KCTD8: variants seen among roughly 807,000 people sequenced by gnomAD.
KCTD8 encodes potassium channel tetramerization domain containing 8.
A neutral mutation model predicts 31.5 loss-of-function variants in KCTD8; 27 were observed. That is an observed-to-expected ratio of 0.86 (90% CI 0.63 to 1.18). The LOEUF is 1.18. Ranked by LOEUF, KCTD8 falls within the 50% of genes most tolerant of loss-of-function variation. The probability of loss-of-function intolerance (pLI) is 0.00; values close to 1 mark genes in which losing one functional copy is unlikely to be tolerated. For synonymous variants in KCTD8, 290 were observed against 280.0 expected (o/e 1.04, Z -0.36); for missense variants, 658 against 647.7 (o/e 1.02, Z -0.17).
At chr4:44,321,675 G>C (rs1718299461) in intron 1 of KCTD8, among the ~76,000 whole-genome samples, 1 of 152,040 alleles carries the variant, frequency 6.6e-6, no homozygotes, top group African/African-American at 2.4e-5. Flanking sequence ...TTCCCCTACT[G>C]TACTATTGAA....
intron 1 of KCTD8, among the ~76,000 whole-genome samples, chr4:44,291,072 TAAC>T (rs1717258998): frequency 1.3e-5 from 2 of 151,918 alleles, no homozygotes; most frequent in South Asian, 4.1e-4. Context: ...TTAGATAGAT[TAAC>T]AAAGAAAGAA....
At chr4:44,437,338 T>G (rs563999279) in intron 1 of KCTD8, among the ~76,000 whole-genome samples, 3 of 152,146 alleles carry the variant, frequency 2.0e-5, no homozygotes, top group Non-Finnish European at 4.4e-5. Flanking sequence ...CTTACAAATG[T>G]CATCGTCCCA....
intron 1 of KCTD8, among the ~76,000 whole-genome samples, chr4:44,214,831 T>G (rs1714602858): frequency 6.6e-6 from 1 of 152,164 alleles, no homozygotes; most frequent in African/African-American, 2.4e-5. Flanking sequence ...AGCCACAAGA[T>G]TAAAAGTAAT....
chr4:44,432,218 G>T (rs1287837724), intron 1 of KCTD8, among the ~76,000 whole-genome samples: 1 of 151,202 alleles, frequency 6.6e-6, no homozygotes, highest in Non-Finnish European at 1.5e-5. Flanking sequence ...GCAACTAAAA[G>T]ATTTGTAAAA....
intron 1 of KCTD8, among the ~76,000 whole-genome samples, chr4:44,333,687 G>A (rs183085054): frequency 5.9e-5 from 9 of 152,182 alleles, no homozygotes; most frequent in Non-Finnish European, 1.3e-4. Context: ...AAAATAAGAT[G>A]ACCTAGGAGC....
At chr4:44,314,242 T>C (rs1718042768) in intron 1 of KCTD8, among the ~76,000 whole-genome samples, 1 of 152,002 alleles carries the variant, frequency 6.6e-6, no homozygotes, top group African/African-American at 2.4e-5. Flanking sequence ...CTTTTATTGG[T>C]GAGAAAAAAC....
Position 44,191,431 on chromosome 4 carries a change from G to A in KCTD8, c.962-16181C>T, listed in dbSNP as rs1025918264. Among the ~76,000 whole-genome samples, 7 of 152,280 alleles carry A rather than the reference G, an allele frequency of 4.6e-5. No individual in the cohort carries two copies. In the South Asian group the frequency reaches 1.4e-3, roughly 32 times the overall value. On this transcript the variant is annotated intron_variant, in intron 1 of 1. Transcript: ENST00000360029. ...ATAACCATAAGGTCTGACTGCCTAT[G>A]GGGTCGGGCAAAAAGAGCCATATTT...
chr4:44,364,246 A>G (rs1560436704), intron 1 of KCTD8, among the ~76,000 whole-genome samples: 1 of 152,178 alleles, frequency 6.6e-6, no homozygotes, highest in Non-Finnish European at 1.5e-5. Context: ...GGAAAAGAAA[A>G]AAAGCCTAAT....
chr4:44,320,081 A>C (rs1264957231), intron 1 of KCTD8, among the ~76,000 whole-genome samples: 2 of 147,822 alleles, frequency 1.4e-5, no homozygotes, highest in African/African-American at 5.0e-5. Flanking sequence ...CTGAGGCAGG[A>C]GAATCACTTG....
At chr4:44,416,877 C>A (rs1205785841) in intron 1 of KCTD8, among the ~76,000 whole-genome samples, 2 of 152,214 alleles carry the variant, frequency 1.3e-5, no homozygotes, top group East Asian at 3.9e-4. Context: ...GTAAGTCATT[C>A]AAAATGTTTT....
intron 1 of KCTD8, among the ~76,000 whole-genome samples, chr4:44,386,587 C>T (rs924109795): frequency 6.6e-6 from 1 of 151,412 alleles, no homozygotes; most frequent in Admixed American, 6.6e-5. Flanking sequence ...ATCCAAAAGA[C>T]AGGCAATAAC....
intron 1 of KCTD8, among the ~76,000 whole-genome samples, chr4:44,266,867 A>C (rs1341221632): frequency 6.6e-6 from 1 of 151,920 alleles, no homozygotes; most frequent in African/African-American, 2.4e-5. Flanking sequence ...ATAGGCACCC[A>C]ATACAGGAGC....
At chr4:44,258,334 G>GA (rs144135366) in intron 1 of KCTD8, among the ~76,000 whole-genome samples, 4,567 of 151,822 alleles carry the variant, frequency 0.03, 240 homozygotes, top group African/African-American at 0.11. Flanking sequence ...CTATATACTA[G>GA]AAAAAATTAA....
At chr4:44,430,007 G>A (rs574879342) in intron 1 of KCTD8, among the ~76,000 whole-genome samples, 1 of 151,166 alleles carries the variant, frequency 6.6e-6, no homozygotes, top group African/African-American at 2.4e-5. Flanking sequence ...TGATAGTCAG[G>A]AATGGGTGAT....
intron 1 of KCTD8, among the ~76,000 whole-genome samples, chr4:44,292,934 G>A (rs915282101): frequency 2.8e-4 from 42 of 151,974 alleles, no homozygotes; most frequent in Admixed American, 8.5e-4. Context: ...GAGACTGTAG[G>A]ACATATTTTT....
At chr4:44,383,475 C>T (rs995176849) in intron 1 of KCTD8, among the ~76,000 whole-genome samples, 1 of 151,846 alleles carries the variant, frequency 6.6e-6, no homozygotes, top group African/African-American at 2.4e-5. Context: ...GACACATAGA[C>T]CAATGGAACA....
In KCTD8 at chr4:44,447,945, G is replaced by A. The variant is rs749476214; in HGVS notation, c.579C>T (p.His193=). Residue 193 remains histidine (H), a synonymous_variant, in exon 1 of 2, where the codon CAC becomes CAT. Transcript: ENST00000360029. ...AAAVPSGPGA[H]GGGGGGGAQD... The stretch of plus-strand genomic sequence containing the variant: ...GCGCGCCGCCGCCGCCGCCACCACC[G>A]TGCGCTCCCGGGCCCGAGGGCACGG... The A allele has an allele frequency of 1.3e-6, 2 of 1,493,850 alleles. No homozygotes were observed. Among genetic ancestry groups the A allele is most frequent in the Non-Finnish European group, 1.8e-6 (2 of 1,121,106 alleles). The allele number at this position is 1,493,850 out of a possible 1,614,324, so 92.5% of individuals were successfully genotyped here. A position where few individuals can be genotyped will look rare whatever the true frequency, so the allele number is the denominator to read the frequency against.
In KCTD8 at chr4:44,362,803, G is replaced by A. The variant is rs116023687; in HGVS notation, c.961+84760C>T. Among the ~76,000 whole-genome samples the A allele has an allele frequency of 3.7e-3, 554 of 148,288 alleles. 6 individuals carry two copies. Among genetic ancestry groups the A allele is most frequent in the African/African-American group, 0.013 (526 of 40,440 alleles). ...TTTTTTTACAAAATCTCATTAAAAA[G>A]TTAACCCATTTAGGACCAAAAAAAA... On this transcript the variant is annotated intron_variant, in intron 1 of 1. Transcript: ENST00000360029.
chr4:44,361,036 A>G (rs1005142755), intron 1 of KCTD8, among the ~76,000 whole-genome samples: 7 of 151,924 alleles, frequency 4.6e-5, no homozygotes, highest in African/African-American at 1.7e-4. Context: ...ATATGCCATT[A>G]TGTTCACCTA....
Sources: gnomAD v4.1 joint callset for allele counts (sites outside exome capture counted in the v4.1 genomes callset) on GRCh38, gnomAD v4.1.1 for gene constraint, MANE v1.5 for transcripts, NCBI Gene and HGNC (gene_info 2026-07-23, HGNC 2026-07-21) for gene names.